Variants in CAMK4 observed in about 807,000 individuals in gnomAD.
The protein encoded by CAMK4 is calcium/calmodulin dependent protein kinase IV.
A neutral mutation model predicts 44.9 loss-of-function variants in CAMK4; 22 were observed. The observed-to-expected ratio is 0.49, with a 90% CI of 0.35 to 0.70. The LOEUF is 0.70. Ranked by LOEUF, CAMK4 falls within the 30% of genes least tolerant of loss-of-function variation. The pLI, the probability that CAMK4 is intolerant of heterozygous loss-of-function variation, is 0.01. For synonymous variants in CAMK4, 218 were observed against 215.4 expected (o/e 1.01, Z -0.11); for missense variants, 498 against 586.8 (o/e 0.85, Z 1.56).
At chr5:111,418,046 A>C (rs1203846698) in intron 5 of CAMK4, among the ~76,000 whole-genome samples, 1 of 152,070 alleles carries the variant, frequency 6.6e-6, no homozygotes, top group Non-Finnish European at 1.5e-5. Flanking sequence ...CATTTGGGAA[A>C]GTCCTAAAAA....
chr5:111,317,059 G>A (rs1748455831), intron 1 of CAMK4, among the ~76,000 whole-genome samples: 1 of 152,042 alleles, frequency 6.6e-6, no homozygotes, highest in South Asian at 2.1e-4. Context: ...AACTACTGAA[G>A]AGGCATTAAA....
intron 2 of CAMK4, among the ~76,000 whole-genome samples, chr5:111,346,579 A>G (rs1277676933): frequency 6.6e-6 from 1 of 151,772 alleles, no homozygotes; most frequent in Non-Finnish European, 1.5e-5. Context: ...ACTACCACAA[A>G]CTAGATGACT....
At chr5:111,430,583 G>A (rs748807049) in intron 5 of CAMK4, among the ~76,000 whole-genome samples, 4 of 152,028 alleles carry the variant, frequency 2.6e-5, no homozygotes, top group Non-Finnish European at 5.9e-5. Flanking sequence ...AAAACCATTC[G>A]AACTGATAAA....
At chr5:111,432,324 T>G (rs1192247765) in intron 5 of CAMK4, among the ~76,000 whole-genome samples, 30 of 151,926 alleles carry the variant, frequency 2.0e-4, no homozygotes, top group Non-Finnish European at 5.9e-5. Context: ...CTCATGGACA[T>G]AGAGAGTAGA....
rs564642565 is a variant in CAMK4, at chr5:111,387,986, G to A, written c.387-6724G>A. ...GAGTTCATTGCTATTGAACTTTTCAGTCAGCCATGGATAGCCTGAATGGCA... is the reference window on the plus strand; with the variant it reads ...GAGTTCATTGCTATTGAACTTTTCAATCAGCCATGGATAGCCTGAATGGCA... On this transcript the variant is annotated intron_variant, in intron 4 of 10. Transcript: ENST00000282356. 2.0e-5 allele frequency among the ~76,000 whole-genome samples: 3 copies of A among 152,230 alleles called. No individual in the cohort carries two copies. The South Asian group carries it at 6.2e-4, about 32-fold the overall frequency.
intron 4 of CAMK4, among the ~76,000 whole-genome samples, chr5:111,386,131 T>TTTTA (rs1180431617): frequency 6.6e-6 from 1 of 152,134 alleles, no homozygotes; most frequent in African/African-American, 2.4e-5. Context: ...GCAAGAAAGT[T>TTTTA]TTTACAGAAA....
intron 5 of CAMK4, among the ~76,000 whole-genome samples, chr5:111,412,837 G>A (rs79915508): frequency 0.033 from 5,094 of 152,074 alleles, 125 homozygotes; most frequent in Admixed American, 0.061. Flanking sequence ...GATAATAACC[G>A]CATGACCCAG....
intron 5 of CAMK4, among the ~76,000 whole-genome samples, chr5:111,417,972 G>A (rs1752873447): frequency 6.6e-6 from 1 of 151,616 alleles, no homozygotes; most frequent in South Asian, 2.1e-4. Context: ...ATGCAGTTTT[G>A]TGATACTTAC....
At chr5:111,448,912 G>T (rs1754124338) in intron 6 of CAMK4, among the ~76,000 whole-genome samples, 1 of 152,228 alleles carries the variant, frequency 6.6e-6, no homozygotes, top group African/African-American at 2.4e-5. Context: ...ATTTGTAAAT[G>T]TATTTGGAAG....
chr5:111,467,934 T>TCACACACACACACACACACACA (rs60254627), intron 7 of CAMK4, among the ~76,000 whole-genome samples: 1 of 143,350 alleles, frequency 7.0e-6, no homozygotes, highest in Non-Finnish European at 1.5e-5. Flanking sequence ...AAAGAAATTG[T>TCACACACACACACACACACACA]CACACACACA....
chr5:111,361,957 A>G (rs191465237), intron 2 of CAMK4, among the ~76,000 whole-genome samples: 10 of 152,126 alleles, frequency 6.6e-5, no homozygotes, highest in Non-Finnish European at 1.0e-4. Context: ...ATAAATCCCT[A>G]TATTTCTAAA....
At chr5:111,402,403 G>T (rs58564606) in intron 5 of CAMK4, among the ~76,000 whole-genome samples, 1 of 152,212 alleles carries the variant, frequency 6.6e-6, no homozygotes, top group African/African-American at 2.4e-5. Flanking sequence ...TGCATGAAAT[G>T]GTTCTAGAGT....
chr5:111,405,022 G>T (rs1379167120), intron 5 of CAMK4, among the ~76,000 whole-genome samples: 1 of 152,076 alleles, frequency 6.6e-6, no homozygotes, highest in East Asian at 1.9e-4. Flanking sequence ...CAATAAACTG[G>T]GTGGATAGAC....
intron 1 of CAMK4, among the ~76,000 whole-genome samples, chr5:111,268,717 T>C (rs982537859): frequency 5.3e-5 from 8 of 152,206 alleles, no homozygotes; most frequent in African/African-American, 1.9e-4. Context: ...AGAAGGCTGA[T>C]GTGTGGTATG....
At chr5:111,377,007 A>G in intron 4 of CAMK4, 65 bp downstream of exon 4, 2 of 962,658 alleles carry the variant, frequency 2.1e-6, no homozygotes, top group Non-Finnish European at 3.2e-6. Flanking sequence ...AATAATCTAA[A>G]GGACATTTCT....
intron 5 of CAMK4, among the ~76,000 whole-genome samples, chr5:111,398,688 T>G (rs1039316079): frequency 6.6e-6 from 1 of 152,184 alleles, no homozygotes; most frequent in Admixed American, 6.5e-5. Flanking sequence ...TCTTTGTAAT[T>G]CAAGCTGTTT....
chr5:111,357,816 G>A (rs1445334466), intron 2 of CAMK4: 8 of 152,076 alleles, frequency 5.3e-5, no homozygotes, highest in Admixed American at 3.3e-4. Flanking sequence ...ACTATGTAAT[G>A]TAGTGCCGCT....
At position 111,424,396 on chromosome 5, in the gene CAMK4, C is replaced by A. The variant is rs1311177035; in HGVS notation, c.460-22290C>A. Among the ~76,000 whole-genome samples, 3 of 145,038 alleles carry A rather than the reference C, an allele frequency of 2.1e-5. No individual in the cohort carries two copies. In the East Asian group the frequency reaches 6.1e-4, roughly 30 times the overall value. On this transcript the variant is annotated intron_variant, in intron 5 of 10. Coordinates refer to ENST00000282356, the MANE Select transcript of CAMK4 (RefSeq NM_001744.6). ...TGCTGTAATTTGTAAAATTAAATGT[C>A]TCCAATTAAGAATATATGCATATAT... is the stretch of plus-strand genomic sequence containing the variant.
chr5:111,299,482 T>G (rs933025769), intron 1 of CAMK4, among the ~76,000 whole-genome samples: 1 of 152,158 alleles, frequency 6.6e-6, no homozygotes, highest in African/African-American at 2.4e-5. Flanking sequence ...TGACACACAT[T>G]CTAGATCTTA....
Sources: gnomAD v4.1 joint callset for allele counts (sites outside exome capture counted in the v4.1 genomes callset) on GRCh38, gnomAD v4.1.1 for gene constraint, MANE v1.5 for transcripts, NCBI Gene and HGNC (gene_info 2026-07-23, HGNC 2026-07-21) for gene names.